GALNT14: variants seen among roughly 807,000 people sequenced by gnomAD.
The protein encoded by GALNT14 is UDP-GalNAc:polypeptide N-acetylgalactosaminyltransferase 14.
In GALNT14, 60 loss-of-function variants were observed where a neutral mutation model predicts 77.5. The ratio of observed to expected loss-of-function variants is 0.77; its 90% confidence interval spans 0.63 to 0.96. GALNT14 has a LOEUF of 0.96. GALNT14 is among the 40% of genes least tolerant of loss of function. The pLI, the probability that GALNT14 is intolerant of heterozygous loss-of-function variation, is 0.00. For missense variants in GALNT14, 710 were observed against 731.0 expected (o/e 0.97, Z 0.33); for synonymous variants, 280 against 281.7 (o/e 0.99, Z 0.06).
chr2:31,018,329 T>A (rs566037584), intron 1 of GALNT14, among the ~76,000 whole-genome samples: 1 of 152,320 alleles, frequency 6.6e-6, no homozygotes, highest in South Asian at 2.1e-4. Context: ...TGAGACTGGG[T>A]AATTTATAAA....
intron 1 of GALNT14, among the ~76,000 whole-genome samples, chr2:31,059,763 G>C (rs751673470): frequency 6.6e-6 from 1 of 152,178 alleles, no homozygotes; most frequent in Non-Finnish European, 1.5e-5. Flanking sequence ...CACCCCTTCT[G>C]CCATGTGAAG....
At chr2:31,126,254 G>A (rs1309383803) in intron 1 of GALNT14, among the ~76,000 whole-genome samples, 2 of 152,112 alleles carry the variant, frequency 1.3e-5, no homozygotes, top group African/African-American at 4.8e-5. Context: ...AGGTTCTAAA[G>A]GCAAGTTGCA....
chr2:30,917,181 T>C (rs950816932), intron 13 of GALNT14, among the ~76,000 whole-genome samples: 1 of 149,040 alleles, frequency 6.7e-6, no homozygotes, highest in Non-Finnish European at 1.5e-5. Context: ...CTGCCTCTGG[T>C]AGGCAAGAAA....
At chr2:31,018,095 A>T (rs1415912258) in intron 1 of GALNT14, among the ~76,000 whole-genome samples, 2 of 152,238 alleles carry the variant, frequency 1.3e-5, no homozygotes, top group Non-Finnish European at 1.5e-5. Flanking sequence ...AAGGGGCCTG[A>T]TGATGTGTAA....
At chr2:31,100,715 AT>A (rs1677227979) in intron 1 of GALNT14, among the ~76,000 whole-genome samples, 2 of 150,798 alleles carry the variant, frequency 1.3e-5, no homozygotes, top group Admixed American at 1.3e-4. Flanking sequence ...AAAAAAAAAA[AT>A]ACCTGAACTA....
intron 3 of GALNT14, among the ~76,000 whole-genome samples, chr2:30,959,554 C>T (rs1667563948): frequency 6.6e-6 from 1 of 152,174 alleles, no homozygotes; most frequent in Admixed American, 6.5e-5. Flanking sequence ...CAAAGAATCC[C>T]ATCTAGAAAA....
chr2:31,102,990 T>C (rs1677356361), intron 1 of GALNT14, among the ~76,000 whole-genome samples: 1 of 152,154 alleles, frequency 6.6e-6, no homozygotes, highest in South Asian at 2.1e-4. Context: ...CACTCATCCT[T>C]TTATTTTCAA....
chr2:31,057,223 C>A (rs1057439396), intron 1 of GALNT14, among the ~76,000 whole-genome samples: 4 of 150,632 alleles, frequency 2.7e-5, no homozygotes, highest in African/African-American at 9.8e-5. Flanking sequence ...GTATCCCAAA[C>A]CTCACCATCA....
At chr2:31,025,318 G>C (rs72791284) in intron 1 of GALNT14, among the ~76,000 whole-genome samples, 8,726 of 152,238 alleles carry the variant, frequency 0.057, 345 homozygotes, top group East Asian at 0.1. Context: ...CTCCCACCTT[G>C]TTAATCCAGA....
chr2:30,995,357 G>A (rs1669965041), intron 1 of GALNT14, among the ~76,000 whole-genome samples: 1 of 152,154 alleles, frequency 6.6e-6, no homozygotes, highest in Admixed American at 6.5e-5. Context: ...AGTATTCGGT[G>A]TAGGAACAGC....
intron 1 of GALNT14, among the ~76,000 whole-genome samples, chr2:31,032,489 G>A (rs1271782946): frequency 6.6e-6 from 1 of 152,200 alleles, no homozygotes; most frequent in South Asian, 2.1e-4. Flanking sequence ...AGTAGGCAGA[G>A]TAGCTGGGCT....
chr2:31,065,983 G>A (rs180978609), intron 1 of GALNT14, among the ~76,000 whole-genome samples: 2 of 152,194 alleles, frequency 1.3e-5, no homozygotes, highest in East Asian at 1.9e-4. Flanking sequence ...TCCAATCCCC[G>A]CCCCACCCTC....
At chr2:30,921,581 A>G (rs921857580) in intron 13 of GALNT14, among the ~76,000 whole-genome samples, 12 of 152,168 alleles carry the variant, frequency 7.9e-5, no homozygotes, top group Admixed American at 5.9e-4. Context: ...CTCAAGTACC[A>G]AGGCCAAGAG....
intron 13 of GALNT14, among the ~76,000 whole-genome samples, chr2:30,920,085 G>T (rs1262773321): frequency 1.3e-5 from 2 of 152,142 alleles, no homozygotes; most frequent in Non-Finnish European, 2.9e-5. Context: ...GAATTTCAGG[G>T]GCAGGTGTCT....
At chr2:31,049,938 T>C (rs1240116019) in intron 1 of GALNT14, among the ~76,000 whole-genome samples, 3 of 152,116 alleles carry the variant, frequency 2.0e-5, no homozygotes, top group African/African-American at 7.2e-5. Flanking sequence ...GGGCAAAGTA[T>C]GGAAAAGTAT....
At chr2:30,983,994 T>G (rs1281845016) in intron 2 of GALNT14, among the ~76,000 whole-genome samples, 1 of 152,144 alleles carries the variant, frequency 6.6e-6, no homozygotes, top group East Asian at 1.9e-4. Flanking sequence ...TGAGCCCGGG[T>G]CCCCTGACCT....
chr2:30,973,799 C>T (rs539432377), intron 2 of GALNT14, among the ~76,000 whole-genome samples: 1 of 152,306 alleles, frequency 6.6e-6, no homozygotes, highest in Non-Finnish European at 1.5e-5. Context: ...TTATTCTTGC[C>T]TCAATAGCCA....
Position 30,924,813 on chromosome 2 carries a change from T to C in GALNT14, c.1162A>G (p.Arg388Gly). The stretch of plus-strand genomic sequence containing the variant: ...CGCAGATTCTTCCTCAGGTCCAATC[T>C]GCTCTCAACACTGGGGGCAACGGGG... ...LERPFGNVES[R>G]LDLRKNLRCQ... The change falls in exon 12 of 15, where the codon AGA (arginine) becomes GGA (glycine). Residue 388 changes from arginine to glycine, a missense_variant. Transcript: ENST00000349752. 6.2e-7 allele frequency: 1 copy of C among 1,613,796 alleles called. No individual in the cohort carries two copies. Among genetic ancestry groups the C allele is most frequent in the Non-Finnish European group, 8.5e-7 (1 of 1,179,940 alleles).
At chr2:31,073,448 T>C (rs1326502657) in intron 1 of GALNT14, among the ~76,000 whole-genome samples, 1 of 150,090 alleles carries the variant, frequency 6.7e-6, no homozygotes, top group Admixed American at 6.7e-5. Flanking sequence ...CGATAAATAA[T>C]CTCTACTATG....
Sources: gnomAD v4.1 joint callset for allele counts (sites outside exome capture counted in the v4.1 genomes callset) on GRCh38, gnomAD v4.1.1 for gene constraint, MANE v1.5 for transcripts, NCBI Gene and HGNC (gene_info 2026-07-23, HGNC 2026-07-21) for gene names.